Variants in CCZ1 observed in about 807,000 individuals in gnomAD.
CCZ1 encodes vacuolar fusion protein CCZ1 homolog.
CCZ1 carries 19 observed loss-of-function variants against 57.8 expected under a neutral mutation model. The ratio of observed to expected loss-of-function variants is 0.33; its 90% CI spans 0.23 to 0.48. The LOEUF (loss-of-function observed/expected upper bound fraction) is 0.48. Among genes scored for constraint, CCZ1 ranks in the 20% least tolerant of loss-of-function variants. The pLI, the probability that CCZ1 is intolerant of heterozygous loss-of-function variation, is 0.99. For missense variants in CCZ1, 200 were observed against 492.0 expected, an observed-to-expected ratio of 0.41 and a Z score of 5.61; for synonymous variants, 81 against 167.0, an observed-to-expected ratio of 0.49 and a Z score of 3.97.
intron 12 of CCZ1, among the ~76,000 whole-genome samples, chr7:5,922,916 G>A (rs2528345): frequency 0.013 from 1,916 of 148,300 alleles, 31 homozygotes; most frequent in African/African-American, 0.04. Context: ...GTCACGGGCT[G>A]TATGTAGATA....
chr7:5,920,470 C>CTTTTATTTTATTTATTTATTTTTTTTTTT lies in CCZ1; in HGVS notation c.1106+508_1106+509insATTTTATTTATTTATTTTTTTTTTTTTTT, dbSNP rs1779217549. Among the ~76,000 whole-genome samples, 4 of 95,980 alleles carry CTTTTATTTTATTTATTTATTTTTTTTTTT rather than the reference C, an allele frequency of 4.2e-5. No individual in the cohort carries two copies. In the South Asian group the frequency reaches 8.2e-4, roughly 20 times the overall value. 63.0% of individuals were successfully genotyped at this position (95,980 alleles called of 152,430 possible). On this transcript the variant is annotated intron_variant, in intron 12 of 14. Transcript: ENST00000325974. ...ATGTCCTTGAATTCTTTCTCCCTGGCTTTTTTTTTTTTTTTTTGAGACAAA... is the reference window on the plus strand; with the variant it reads ...ATGTCCTTGAATTCTTTCTCCCTGGCTTTTATTTTATTTATTTATTTTTTTTTTTTTTTTTTTTTTTTTTTTGAGACAAA...
At chr7:5,920,885 A>C (rs1779228783) in intron 12 of CCZ1, among the ~76,000 whole-genome samples, 1 of 121,424 alleles carries the variant, frequency 8.2e-6, no homozygotes, top group Non-Finnish European at 1.8e-5. Flanking sequence ...ACATTTGAGA[A>C]GTTACTAAAA....
Position 5,920,487 on chromosome 7 carries a change from T to TTTTTTTTTA in CCZ1, c.1106+521_1106+522insTTTTTTTTA, listed in dbSNP as rs1360301005. Among the ~76,000 whole-genome samples, 6 of 117,392 alleles carry TTTTTTTTTA rather than the reference T, an allele frequency of 5.1e-5. 1 individual carries two copies. The highest frequency in any genetic ancestry group is 2.4e-4 in the South Asian group (1 of 4,150). The allele number at this position is 117,392 out of a possible 152,430, so 77.0% of individuals were successfully genotyped here. On this transcript the variant is annotated intron_variant, in intron 12 of 14. Coordinates refer to ENST00000325974, the MANE Select transcript of CCZ1 (RefSeq NM_015622.6). ...CTCCCTGGCTTTTTTTTTTTTTTTT[T>TTTTTTTTTA]GAGACAAATTCCCACTCTGTCGCCC...
chr7:5,912,057 T>A, intron 9 of CCZ1, 135 bp downstream of exon 9: 1 of 1,566,450 alleles, frequency 6.4e-7, no homozygotes, highest in South Asian at 1.2e-5. Context: ...CGGGCTCAAG[T>A]GACTGTCATG....
In CCZ1 at chr7:5,904,995, C is replaced by T. The variant is rs1781769808; in HGVS notation, c.523-99C>T. ...GCTGTTTGCTAGTATGTAATTGTAC[C>T]ATAAATGTGAGTCTGACATAAGATT... On this transcript the variant is annotated intron_variant, in intron 6 of 14. Coordinates refer to ENST00000325974, the MANE Select transcript of CCZ1 (RefSeq NM_015622.6). The T allele has an allele frequency of 1.6e-5, 20 of 1,222,164 alleles. 2 individuals carry two copies. The highest frequency in any genetic ancestry group is 2.3e-5 in the Non-Finnish European group (20 of 882,274). The allele number at this position is 1,222,164 out of a possible 1,614,324, so 75.7% of individuals were successfully genotyped here.
intron 8 of CCZ1, 160 bp downstream of exon 8, chr7:5,910,276 C>G (rs1024091909): frequency 2.3e-5 from 13 of 569,162 alleles, no homozygotes; most frequent in African/African-American, 2.1e-4. Flanking sequence ...CACAGAAAAC[C>G]ACATGCAGCT....
At chr7:5,905,759 C>G (rs111837876) in intron 7 of CCZ1, among the ~76,000 whole-genome samples, 1 of 75,794 alleles carries the variant, frequency 1.3e-5, no homozygotes, top group African/African-American at 5.2e-5. Flanking sequence ...CCCAGCCTGG[C>G]AACAGAGAGA....
rs534902168 is a variant in CCZ1, at chr7:5,911,409, C to T, written c.781-452C>T. 6.6e-4 allele frequency among the ~76,000 whole-genome samples: 98 copies of T among 148,834 alleles called. 9 individuals carry two copies. The South Asian group carries it at 0.012, about 19-fold the overall frequency. The stretch of plus-strand genomic sequence containing the variant: ...TCTCAAACTCCTGGGCTCAAGCGGT[C>T]GTGTCACCTCAGCCTCCCAAGTAGC... On this transcript the variant is annotated intron_variant, in intron 8 of 14. Transcript: ENST00000325974.
intron 6 of CCZ1, among the ~76,000 whole-genome samples, chr7:5,903,996 G>A (rs1276241240): frequency 7.0e-6 from 1 of 143,798 alleles, no homozygotes; most frequent in African/African-American, 2.7e-5. Context: ...TCCATCTCGG[G>A]GGGGGAAATA....
chr7:5,908,322 A>AC (rs5882074), intron 7 of CCZ1, among the ~76,000 whole-genome samples: 11,805 of 91,242 alleles, frequency 0.13, 1,247 homozygotes, highest in Middle Eastern at 0.24. Flanking sequence ...TGGAAAAAAA[A>AC]ACTTGTCACA....
At chr7:5,909,457 T>TA (rs1781915152) in intron 7 of CCZ1, among the ~76,000 whole-genome samples, 1 of 149,780 alleles carries the variant, frequency 6.7e-6, no homozygotes, top group African/African-American at 2.5e-5. Context: ...ATCCCAGCAC[T>TA]TTAGGAGGCT....
chr7:5,916,754 T>C (rs995623365), intron 10 of CCZ1, among the ~76,000 whole-genome samples: 7 of 145,368 alleles, frequency 4.8e-5, no homozygotes, highest in African/African-American at 1.9e-4. Context: ...TCTCCAGCCC[T>C]CCAGAGGTGG....
chr7:5,910,492 A>G (rs1160819614), intron 8 of CCZ1, among the ~76,000 whole-genome samples: 2 of 147,000 alleles, frequency 1.4e-5, no homozygotes, highest in Non-Finnish European at 3.0e-5. Context: ...ACGCCCAGCT[A>G]ATTTTTTTGT....
At chr7:5,916,782 C>A (rs1779158570) in intron 10 of CCZ1, among the ~76,000 whole-genome samples, 2 of 141,010 alleles carry the variant, frequency 1.4e-5, no homozygotes, top group Non-Finnish European at 1.5e-5. Context: ...GCTGTGCGGG[C>A]TTGGGTGTAA....
rs759489126 is a variant in CCZ1 at position 5,909,984 on chromosome 7, A to G, written c.699-51A>G. Reference sequence around the variant, plus strand: ...AATGAGCTTTATCACAGCAGTGGAAAGACAGAAGACAGTTCCAAACGTTTA... The same window carrying G: ...AATGAGCTTTATCACAGCAGTGGAAGGACAGAAGACAGTTCCAAACGTTTA... On this transcript the variant is annotated intron_variant, in intron 7 of 14. Transcript: ENST00000325974. 101 of 1,530,246 alleles carry G rather than the reference A, an allele frequency of 6.6e-5. 1 individual carries two copies. Among genetic ancestry groups the G allele is most frequent in the Non-Finnish European group, 8.6e-5 (96 of 1,122,314 alleles). The allele number at this position is 1,530,246 out of a possible 1,614,324, so 94.8% of individuals were successfully genotyped here. A position where few individuals can be genotyped will look rare whatever the true frequency, so the allele number is the denominator to read the frequency against.
intron 10 of CCZ1, among the ~76,000 whole-genome samples, chr7:5,914,378 A>G (rs1458997307): frequency 3.4e-5 from 5 of 148,568 alleles, no homozygotes; most frequent in Non-Finnish European, 5.9e-5. Flanking sequence ...GGAGGCTGCA[A>G]TGAGCTATGA....
In CCZ1 at chr7:5,905,368, C is replaced by T. The variant is rs921494377; in HGVS notation, c.698+99C>T. 9 of 663,170 alleles carry T rather than the reference C, an allele frequency of 1.4e-5. 1 individual carries two copies. In the African/African-American group the frequency reaches 1.4e-4, roughly 10 times the overall value. The allele number at this position is 663,170 out of a possible 1,614,324, so 41.1% of individuals were successfully genotyped here. On this transcript the variant is annotated intron_variant, in intron 7 of 14. Transcript: ENST00000325974. ...CAGGTTGTCAAACAGGAACTTGCAG[C>T]GGGGAGGATGGGTAGGAAGCATCTT...
rs1375061822 is a variant in CCZ1, at chr7:5,900,468, T to TG, written c.219-4dup. 6.3e-7 allele frequency: 1 copy of TG among 1,596,774 alleles called. No homozygotes were observed. Among genetic ancestry groups the TG allele is most frequent in the Non-Finnish European group, 8.5e-7 (1 of 1,176,312 alleles). On this transcript the variant is annotated splice_polypyrimidine_tract_variant and splice_region_variant and intron_variant, in intron 2 of 14. Transcript: ENST00000325974. ...GTCCCAAACATATTTTTTTAACCTT[T>TG]GTAGGACATTTAGCCCATCAAAACC...
rs1779319049 is a variant in CCZ1 at position 5,924,511 on chromosome 7, G to GGC, written c.1393+551_1393+552dup. On this transcript the variant is annotated intron_variant, in intron 14 of 14. Coordinates refer to ENST00000325974, the MANE Select transcript of CCZ1 (RefSeq NM_015622.6). ...GGCCTCCCAAAGAGCTGGGATTACA[G>GGC]GCGTGAGCCACCTTGCCCAGCCCAA... Among the ~76,000 whole-genome samples the GGC allele has an allele frequency of 1.3e-4, 13 of 96,716 alleles. No homozygotes were observed. The South Asian group carries it at 4.0e-3, about 30-fold the overall frequency. 63.4% of individuals were successfully genotyped at this position (96,716 alleles called of 152,430 possible). A position where few individuals can be genotyped will look rare whatever the true frequency, so the allele number is the denominator to read the frequency against.
Sources: allele counts gnomAD v4.1 joint callset (sites outside exome capture counted in the v4.1 genomes callset), GRCh38; gene constraint gnomAD v4.1.1; transcripts MANE v1.5; gene names NCBI Gene and HGNC (gene_info 2026-07-23, HGNC 2026-07-21).